Variants in TADA2A observed in about 807,000 individuals in gnomAD.
The protein encoded by TADA2A is transcriptional adaptor 2A, also known as transcriptional adapter 2-alpha.
TADA2A carries 38 observed loss-of-function variants against 67.4 expected under a neutral mutation model. That is an observed-to-expected ratio of 0.56 (90% CI 0.44 to 0.74). The LOEUF (loss-of-function observed/expected upper bound fraction) is 0.74, where lower values mean the gene tolerates loss of function less well. Among genes scored for constraint, TADA2A ranks in the 30% least tolerant of loss-of-function variants. TADA2A has a pLI of 0.00. For synonymous variants in TADA2A, 192 were observed against 181.6 expected, an observed-to-expected ratio of 1.06 and a Z score of -0.46; for missense variants, 454 against 547.0, an observed-to-expected ratio of 0.83 and a Z score of 1.70.
In TADA2A at chr17:37,423,507, A is replaced by C. The variant is rs1270086600; in HGVS notation, c.26-2A>C. The C allele has an allele frequency of 6.2e-7, 1 of 1,606,102 alleles. No individual in the cohort carries two copies. The highest frequency in any genetic ancestry group is 1.3e-5 in the African/African-American group (1 of 74,460). ...TGTGCATTTGTTTTCTGTTTGTTCT[A>C]GATGATCCCTCTGATAAGCCACCTT... On this transcript the variant is annotated splice_acceptor_variant, in intron 2 of 15. Coordinates refer to ENST00000615182, the MANE Select transcript of TADA2A (RefSeq NM_001166105.3). LOFTEE classifies it high-confidence loss of function.
chr17:37,433,570 G>A (rs1257447543), intron 4 of TADA2A, among the ~76,000 whole-genome samples: 1 of 151,970 alleles, frequency 6.6e-6, no homozygotes, highest in Non-Finnish European at 1.5e-5. Flanking sequence ...GAGGCAGGAG[G>A]ATTGCTTGAG....
chr17:37,433,146 T>C (rs12942673), intron 4 of TADA2A, among the ~76,000 whole-genome samples: 1 of 151,362 alleles, frequency 6.6e-6, no homozygotes, highest in African/African-American at 2.4e-5. Flanking sequence ...AGAAATAGAG[T>C]TTTGCCATGT....
In TADA2A at chr17:37,453,759, A is replaced by ATT. The variant is rs143096066; in HGVS notation, c.605-4738_605-4737dup. Among the ~76,000 whole-genome samples the ATT allele has an allele frequency of 8.4e-4, 58 of 69,104 alleles. 1 individual carries two copies. Among genetic ancestry groups the ATT allele is most frequent in the African/African-American group, 1.9e-3 (27 of 14,394 alleles). 45.3% of individuals were successfully genotyped at this position (69,104 alleles called of 152,430 possible). ...GAAGCTTACTACCTTGAAATAACTG[A>ATT]TTTTTTTTTTTTTTTTTTTTTTTTT... On this transcript the variant is annotated intron_variant, in intron 8 of 15. Transcript: ENST00000615182.
At chr17:37,448,545 C>T (rs1193837774) in intron 8 of TADA2A, among the ~76,000 whole-genome samples, 1 of 152,162 alleles carries the variant, frequency 6.6e-6, no homozygotes, top group Non-Finnish European at 1.5e-5. Context: ...TGTGAGATCT[C>T]AATGCACATG....
At chr17:37,452,459 G>A (rs992414636) in intron 8 of TADA2A, among the ~76,000 whole-genome samples, 2 of 152,128 alleles carry the variant, frequency 1.3e-5, no homozygotes, top group Non-Finnish European at 2.9e-5. Context: ...TATCATTATT[G>A]TATTTGTTTC....
chr17:37,476,676 C>T, intron 15 of TADA2A, 121 bp from the exon 16 acceptor site: 2 of 927,620 alleles, frequency 2.2e-6, no homozygotes, highest in Non-Finnish European at 3.2e-6. Context: ...TCCAGCCACC[C>T]ATCAGCTCCT....
intron 14 of TADA2A, among the ~76,000 whole-genome samples, chr17:37,472,714 T>C (rs894250525): frequency 1.3e-5 from 2 of 151,660 alleles, no homozygotes; most frequent in Non-Finnish European, 2.9e-5. Flanking sequence ...ATATAAAAAT[T>C]AGCTGGGTGT....
At chr17:37,448,434 T>G (rs2053141668) in intron 8 of TADA2A, among the ~76,000 whole-genome samples, 1 of 152,284 alleles carries the variant, frequency 6.6e-6, no homozygotes. Context: ...TGATCCCTAA[T>G]TGGTACTTAC....
At chr17:37,472,455 G>A (rs2148048650) in intron 14 of TADA2A, among the ~76,000 whole-genome samples, 1 of 152,174 alleles carries the variant, frequency 6.6e-6, no homozygotes, top group East Asian at 1.9e-4. Flanking sequence ...TATTGTTTTA[G>A]GGGAGTGGCT....
chr17:37,461,252 T>G (rs1318881980), intron 9 of TADA2A, among the ~76,000 whole-genome samples: 1 of 152,084 alleles, frequency 6.6e-6, no homozygotes, highest in Non-Finnish European at 1.5e-5. Flanking sequence ...CTGCCGCTCC[T>G]CTGACAGGAG....
chr17:37,458,659 GTGTGTGTGTGTGTGTC>G lies in TADA2A; in HGVS notation c.668+78_668+93del, dbSNP rs1405090977. On this transcript the variant is annotated intron_variant, in intron 9 of 15. Coordinates refer to ENST00000615182, the MANE Select transcript of TADA2A (RefSeq NM_001166105.3). Reference sequence around the variant, plus strand: ...GTTTTGTGTGTGTGTGTGTGTGTGTGTGTGTGTGTGTGTGTCTGTGTCTGTGTCTGTGAGAGAGGCA... The same window carrying G: ...GTTTTGTGTGTGTGTGTGTGTGTGTGTGTGTCTGTGTCTGTGAGAGAGGCA... The G allele has an allele frequency of 9.1e-6, 11 of 1,211,668 alleles. No homozygotes were observed. In the Admixed American group the frequency reaches 1.9e-4, roughly 20 times the overall value. 75.1% of individuals were successfully genotyped at this position (1,211,668 alleles called of 1,614,324 possible).
chr17:37,452,217 A>G (rs1434663627), intron 8 of TADA2A, among the ~76,000 whole-genome samples: 2 of 152,036 alleles, frequency 1.3e-5, no homozygotes, highest in Admixed American at 6.6e-5. Context: ...ACCCTGGCCA[A>G]TGTGGCAAAA....
At position 37,413,513 on chromosome 17, in the gene TADA2A, C is replaced by CTG. The variant is rs549000513; in HGVS notation, c.25+2133_25+2134dup. Among the ~76,000 whole-genome samples the CTG allele has an allele frequency of 5.6e-4, 85 of 151,968 alleles. 1 individual carries two copies. In the East Asian group the frequency reaches 0.014, roughly 24 times the overall value. On this transcript the variant is annotated intron_variant, in intron 2 of 15. Coordinates refer to ENST00000615182, the MANE Select transcript of TADA2A (RefSeq NM_001166105.3). ...TCATTTGCATGTGCACTGTCTGTCT[C>CTG]TGTGTGTGTGTATATATATGTTTTT...
In TADA2A at chr17:37,479,335, A is replaced by G. The variant is rs1374097316; in HGVS notation, c.*2353A>G. 1 of 152,264 alleles carries G rather than the reference A, an allele frequency of 6.6e-6. No homozygotes were observed. Among genetic ancestry groups the G allele is most frequent in the Non-Finnish European group, 1.5e-5 (1 of 68,022 alleles). The allele number at this position is 152,264 out of a possible 1,614,324, so 9.4% of individuals were successfully genotyped here. The stretch of plus-strand genomic sequence containing the variant: ...GGACAGTCTGACAGAAACCTTGGAA[A>G]CAGTTGAACTCTGAAAAGCTGATGG... On this transcript the variant is annotated 3_prime_UTR_variant, in exon 16 of 16. Transcript: ENST00000615182.
At chr17:37,458,637 TTGTGTGTGTGTGTGTGTGTG>T (rs55935249) in intron 9 of TADA2A, 50 bp downstream of exon 9, 12 of 981,464 alleles carry the variant, frequency 1.2e-5, no homozygotes, top group South Asian at 5.3e-5. Context: ...GATTATTGTT[TTGTGTGTGTGTGTGTGTGTG>T]TGTGTGTGTG....
At chr17:37,411,023 A>G (rs1476910776) in intron 1 of TADA2A, among the ~76,000 whole-genome samples, 1 of 152,210 alleles carries the variant, frequency 6.6e-6, no homozygotes, top group Admixed American at 6.5e-5. Context: ...TTTATAGAGG[A>G]CCAGGTACCA....
intron 8 of TADA2A, among the ~76,000 whole-genome samples, chr17:37,452,779 A>G (rs1224285778): frequency 6.7e-6 from 1 of 148,292 alleles, no homozygotes; most frequent in Non-Finnish European, 1.5e-5. Flanking sequence ...CTGCTACCTA[A>G]AAAAAAAAAA....
At chr17:37,457,255 A>G (rs1186978147) in intron 8 of TADA2A, among the ~76,000 whole-genome samples, 2 of 138,120 alleles carry the variant, frequency 1.4e-5, no homozygotes, top group Non-Finnish European at 3.0e-5. Flanking sequence ...ATCTCGGCTC[A>G]CTGCAACCTC....
intron 3 of TADA2A, 54 bp downstream of exon 3, chr17:37,423,669 T>C: frequency 7.3e-7 from 1 of 1,362,458 alleles, no homozygotes; most frequent in Non-Finnish European, 1.0e-6. Context: ...TTTTTTATGA[T>C]GTAATATTTC....
Sources: allele counts gnomAD v4.1 joint callset (sites outside exome capture counted in the v4.1 genomes callset), GRCh38; gene constraint gnomAD v4.1.1; transcripts MANE v1.5; gene names NCBI Gene and HGNC (gene_info 2026-07-23, HGNC 2026-07-21).